The following CADM2 variants were observed in gnomAD, a reference collection of about 807,000 sequenced individuals.
CADM2 encodes the protein immunoglobulin superfamily member 4D.
Under a neutral mutation model 49.8 loss-of-function variants are expected in CADM2, and 12 were observed. That is an observed-to-expected ratio of 0.24 (90% confidence interval 0.15 to 0.39). The LOEUF is 0.39. Ranked by LOEUF, CADM2 falls within the 10% of genes least tolerant of loss-of-function variation. The probability of loss-of-function intolerance (pLI) is 1.00; values close to 1 mark genes in which losing one functional copy is unlikely to be tolerated. For missense variants in CADM2, 378 were observed against 492.3 expected (o/e 0.77, Z 2.20); for synonymous variants, 214 against 175.4 (o/e 1.22, Z -1.74).
chr3:84,963,829 G>T (rs533529), intron 1 of CADM2, among the ~76,000 whole-genome samples: 1 of 152,184 alleles, frequency 6.6e-6, no homozygotes, highest in Admixed American at 6.5e-5. Flanking sequence ...CTTTACATGT[G>T]TTAACTTTAG....
chr3:85,173,333 AT>A (rs1277990828), intron 1 of CADM2, among the ~76,000 whole-genome samples: 1 of 152,124 alleles, frequency 6.6e-6, no homozygotes, highest in Non-Finnish European at 1.5e-5. Context: ...CTTCAAAATA[AT>A]GATTTTCATG....
At chr3:86,007,931 A>G (rs182112224) in intron 8 of CADM2, among the ~76,000 whole-genome samples, 1 of 152,300 alleles carries the variant, frequency 6.6e-6, no homozygotes, top group East Asian at 1.9e-4. Context: ...ACATTTGCAA[A>G]TTAATCTCAA....
At chr3:85,960,525 CTTATATGCAGCACATTTTAAAAAG>C in intron 7 of CADM2, among the ~76,000 whole-genome samples, 1 of 151,814 alleles carries the variant, frequency 6.6e-6, no homozygotes, top group East Asian at 2.0e-4. Flanking sequence ...CATCTATATT[CTTATATGCAGCACATTTTAAAAAG>C]TGATATTCAT....
At chr3:85,844,240 A>G (rs2074773816) in intron 3 of CADM2, among the ~76,000 whole-genome samples, 1 of 152,082 alleles carries the variant, frequency 6.6e-6, no homozygotes, top group Admixed American at 6.6e-5. Context: ...AAGATCACCA[A>G]ATTTGTCATC....
intron 1 of CADM2, among the ~76,000 whole-genome samples, chr3:85,235,121 T>A (rs1001343037): frequency 6.6e-6 from 1 of 152,116 alleles, no homozygotes; most frequent in African/African-American, 2.4e-5. Context: ...TTAAGGGAGA[T>A]GACAGCCAAA....
At chr3:85,932,089 T>C (rs1342227929) in intron 6 of CADM2, among the ~76,000 whole-genome samples, 2 of 151,536 alleles carry the variant, frequency 1.3e-5, no homozygotes, top group Non-Finnish European at 1.5e-5. Context: ...TTTACTATTT[T>C]GGCAAACTAG....
At chr3:85,748,788 G>A (rs1202575939) in intron 2 of CADM2, among the ~76,000 whole-genome samples, 1 of 151,942 alleles carries the variant, frequency 6.6e-6, no homozygotes, top group Non-Finnish European at 1.5e-5. Flanking sequence ...TAAACTGTAA[G>A]GAACTTTACT....
chr3:85,471,554 A>G (rs1262002903), intron 1 of CADM2, among the ~76,000 whole-genome samples: 2 of 152,078 alleles, frequency 1.3e-5, no homozygotes, highest in African/African-American at 4.8e-5. Context: ...TCAAATCATC[A>G]GGGTGCTGGA....
chr3:85,321,110 ATATATATTTTTTTTTTTTTTTTTTT>A (rs1559777951), intron 1 of CADM2, among the ~76,000 whole-genome samples: 2 of 33,726 alleles, frequency 5.9e-5, no homozygotes, highest in African/African-American at 2.0e-4. Context: ...ATATATATAT[ATATATATTTTTTTTTTTTTTTTTTT>A]TTTTTTTTTT....
chr3:85,116,382 G>C (rs762843951), intron 1 of CADM2, among the ~76,000 whole-genome samples: 1 of 152,086 alleles, frequency 6.6e-6, no homozygotes, highest in African/African-American at 2.4e-5. Context: ...GCTTGCTCTT[G>C]TGTAGAGAGA....
At chr3:85,051,839 A>G (rs1205756039) in intron 1 of CADM2, among the ~76,000 whole-genome samples, 1 of 152,148 alleles carries the variant, frequency 6.6e-6, no homozygotes, top group East Asian at 1.9e-4. Context: ...CCTGGGGGGA[A>G]GTAAAGCTAA....
chr3:85,685,963 G>T (rs771489810), intron 1 of CADM2, among the ~76,000 whole-genome samples: 1 of 152,118 alleles, frequency 6.6e-6, no homozygotes, highest in African/African-American at 2.4e-5. Context: ...TGTAATAGTA[G>T]GCCTCTAAAC....
intron 8 of CADM2, among the ~76,000 whole-genome samples, chr3:86,058,904 G>A (rs1035894011): frequency 2.0e-5 from 3 of 151,810 alleles, no homozygotes; most frequent in Admixed American, 6.6e-5. Flanking sequence ...GACCAGCCTG[G>A]TCAACCTGGT....
At chr3:85,628,872 T>C (rs1341407235) in intron 1 of CADM2, among the ~76,000 whole-genome samples, 1 of 151,364 alleles carries the variant, frequency 6.6e-6, no homozygotes, top group African/African-American at 2.4e-5. Flanking sequence ...ATCGTTTTTC[T>C]TTAATATTCT....
At chr3:85,985,066 T>C (rs1727926255) in intron 8 of CADM2, among the ~76,000 whole-genome samples, 1 of 152,006 alleles carries the variant, frequency 6.6e-6, no homozygotes, top group Non-Finnish European at 1.5e-5. Flanking sequence ...ACAATTTAAT[T>C]GTGCATTAGT....
chr3:85,391,680 C>T (rs2034525629), intron 1 of CADM2, among the ~76,000 whole-genome samples: 1 of 152,072 alleles, frequency 6.6e-6, no homozygotes, highest in African/African-American at 2.4e-5. Context: ...GCAGTACCAG[C>T]AGGGGAGCAT....
At chr3:86,018,938 A>G (rs1032774118) in intron 8 of CADM2, among the ~76,000 whole-genome samples, 1 of 147,274 alleles carries the variant, frequency 6.8e-6, no homozygotes, top group Non-Finnish European at 1.5e-5. Flanking sequence ...TGTTTTAGAC[A>G]TGAAGTCCTT....
chr3:85,209,853 T>C (rs2041736809), intron 1 of CADM2, among the ~76,000 whole-genome samples: 1 of 152,180 alleles, frequency 6.6e-6, no homozygotes, highest in African/African-American at 2.4e-5. Context: ...AAAGCAATTC[T>C]GGGTGAAAAG....
At chr3:85,392,464 T>A (rs1243061040) in intron 1 of CADM2, among the ~76,000 whole-genome samples, 1 of 152,082 alleles carries the variant, frequency 6.6e-6, no homozygotes, top group East Asian at 1.9e-4. Flanking sequence ...ACAAAATAAA[T>A]TTAATTTGTT....
Sources: allele counts gnomAD v4.1 joint callset (sites outside exome capture counted in the v4.1 genomes callset), GRCh38; gene constraint gnomAD v4.1.1; transcripts MANE v1.5; gene names NCBI Gene and HGNC (gene_info 2026-07-23, HGNC 2026-07-21).